Variants in FASTKD3 observed in about 807,000 individuals in gnomAD.
FASTKD3 encodes FAST kinase domains 3, also known as FAST kinase domain-containing protein 3, mitochondrial.
A neutral mutation model predicts 49.7 loss-of-function variants in FASTKD3; 47 were observed. The observed-to-expected ratio is 0.95, with a 90% CI of 0.75 to 1.21. The LOEUF (loss-of-function observed/expected upper bound fraction) is 1.21. Ranked by LOEUF, FASTKD3 falls within the 50% of genes most tolerant of loss-of-function variation. The pLI is 0.00. For missense variants in FASTKD3, 748 were observed against 765.7 expected (o/e 0.98, Z 0.27); for synonymous variants, 284 against 288.6 (o/e 0.98, Z 0.16).
rs540017511 is a variant in FASTKD3 at position 7,867,275 on chromosome 5, A to T, written c.809T>A (p.Val270Glu). 9 of 1,613,792 alleles carry T rather than the reference A, an allele frequency of 5.6e-6. No homozygotes were observed. The Admixed American group carries it at 1.5e-4, about 27-fold the overall frequency. The change falls in exon 2 of 7, where the codon GTG (valine) becomes GAG (glutamate). Residue 270 changes from valine (V) to glutamate (E), a missense_variant. Around this residue, in one of 3 missense-constraint regions of FASTKD3, gnomAD observed 564 missense variants for 562.8 expected, o/e 1.00. Coordinates refer to ENST00000264669, the MANE Select transcript of FASTKD3 (RefSeq NM_024091.4). The stretch of plus-strand genomic sequence containing the variant: ...ATTTAAAAATGTTTGGTGTTCATCC[A>T]CTTTTTCAGTACATGCCTGCAAGAT... ...YRILQACTEK[V>E]DEHQTFLNKI...
intron 5 of FASTKD3, 150 bp from the exon 6 acceptor site, chr5:7,861,413 TATTA>T (rs1361456929): frequency 1.7e-6 from 1 of 599,442 alleles, no homozygotes; most frequent in Non-Finnish European, 2.7e-6. Flanking sequence ...ATCTTATTAA[TATTA>T]ATGTTTATAA....
chr5:7,865,812 G>C, intron 3 of FASTKD3, 86 bp downstream of exon 3: 1 of 985,748 alleles, frequency 1.0e-6, no homozygotes, highest in South Asian at 1.7e-5. Flanking sequence ...GCTTTTTCAG[G>C]TTATTGAGAC....
In FASTKD3 at chr5:7,866,722, T is replaced by A; in HGVS notation, c.1362A>T (p.Ser454=). ...CTGGATGGCATTCATTAAGTGAACA[T>A]GAATGAAGAAGTTTCAATAATGATT... ...PPKSLLKLLH[S]CSLNECHPVN... The change falls in exon 2 of 7, where the codon TCA becomes TCT. Residue 454 remains serine (S), a synonymous_variant. Transcript: ENST00000264669. 6.2e-7 allele frequency: 1 copy of A among 1,613,576 alleles called. No individual in the cohort carries two copies. Among genetic ancestry groups the A allele is most frequent in the Non-Finnish European group, 8.5e-7 (1 of 1,179,874 alleles).
At chr5:7,860,790 C>T (rs1341807164) in intron 6 of FASTKD3, among the ~76,000 whole-genome samples, 1 of 152,180 alleles carries the variant, frequency 6.6e-6, no homozygotes, top group Non-Finnish European at 1.5e-5. Context: ...TGGGCTATTT[C>T]TTGTAGAAGC....
Position 7,868,115 on chromosome 5 carries a change from A to T in FASTKD3, c.-32T>A, listed in dbSNP as rs1747170364. 2.1e-6 allele frequency: 3 copies of T among 1,448,460 alleles called. No individual in the cohort carries two copies. Among genetic ancestry groups the T allele is most frequent in the African/African-American group, 1.4e-5 (1 of 70,354 alleles). The allele number at this position is 1,448,460 out of a possible 1,614,324, so 89.7% of individuals were successfully genotyped here. A position where few individuals can be genotyped will look rare whatever the true frequency, so the allele number is the denominator to read the frequency against. On this transcript the variant is annotated 5_prime_UTR_variant, in exon 2 of 7. Transcript: ENST00000264669. ...AGATTCTCAATTTGATAACTAAATT[A>T]AAAAATTTAAAAACACATGGTTAAA...
In FASTKD3 at chr5:7,867,570, G is replaced by C; in HGVS notation, c.514C>G (p.Gln172Glu). 1 of 1,614,248 alleles carries C rather than the reference G, an allele frequency of 6.2e-7. No homozygotes were observed. The highest frequency in any genetic ancestry group is 8.5e-7 in the Non-Finnish European group (1 of 1,180,044). ...LCFQFEKEPS[Q>E]LSNTSLVTAL... ...GTCACTAAACTAGTGTTTGACAGCT[G>C]TGAGGGCTCCTTTTCAAACTGAAAG... The change falls in exon 2 of 7, where the codon CAG becomes GAG. Residue 172 changes from glutamine to glutamate, a missense_variant. By Grantham distance (29) the Gln-to-Glu change is conservative. Around this residue, in one of 3 missense-constraint regions of FASTKD3, gnomAD observed 564 missense variants for 562.8 expected, o/e 1.00. Coordinates refer to ENST00000264669, the MANE Select transcript of FASTKD3 (RefSeq NM_024091.4).
At position 7,860,724 on chromosome 5, in the gene FASTKD3, GC is replaced by G. The variant is rs537005213; in HGVS notation, c.1884+424del. Among the ~76,000 whole-genome samples the G allele has an allele frequency of 5.9e-5, 9 of 152,320 alleles. No homozygotes were observed. In the East Asian group the frequency reaches 1.7e-3, roughly 29 times the overall value. On this transcript the variant is annotated intron_variant, in intron 6 of 6. Transcript: ENST00000264669. The stretch of plus-strand genomic sequence containing the variant: ...TCCCTGAGCAGACCAAGCCAGTTGG[GC>G]CTTGAAAATAACCTTAACTTTGCTT...
chr5:7,865,781 A>C, intron 3 of FASTKD3, 117 bp downstream of exon 3: 1 of 733,492 alleles, frequency 1.4e-6, no homozygotes, highest in Non-Finnish European at 2.3e-6. Flanking sequence ...GTGGCAACTG[A>C]CTCCAAGTAA....
chr5:7,861,314 T>C (rs751499927), intron 5 of FASTKD3, 51 bp from the exon 6 acceptor site: 3 of 1,046,246 alleles, frequency 2.9e-6, no homozygotes, highest in South Asian at 4.1e-5. Context: ...TAATCCAAAA[T>C]ATTTATTATA....
chr5:7,864,840 A>T (rs1384247924), intron 3 of FASTKD3, among the ~76,000 whole-genome samples: 1 of 146,340 alleles, frequency 6.8e-6, no homozygotes, highest in African/African-American at 2.8e-5. Context: ...ATCCATCAAA[A>T]ATTAATCCAC....
In FASTKD3 at chr5:7,867,721, C is replaced by T. The variant is rs762452287; in HGVS notation, c.363G>A (p.Thr121=). 5 of 1,614,082 alleles carry T rather than the reference C, an allele frequency of 3.1e-6. No homozygotes were observed. The highest frequency in any genetic ancestry group is 1.3e-5 in the African/African-American group (1 of 74,922). The stretch of plus-strand genomic sequence containing the variant: ...CCATAGTGTCAGGCAGGGTTTCCAT[C>T]GTGCTTATAAAACTTAGCACTTCTT... ...SSEEVLSFIS[T]METLPDTMAA... Residue 121 remains threonine (T), a synonymous_variant, in exon 2 of 7, where the codon ACG becomes ACA. Coordinates refer to ENST00000264669, the MANE Select transcript of FASTKD3 (RefSeq NM_024091.4).
In FASTKD3 at chr5:7,862,925, C is replaced by T. The variant is rs778897941; in HGVS notation, c.1597G>A (p.Asp533Asn). The change falls in exon 4 of 7, where the codon GAT (aspartate) becomes AAT (asparagine). Residue 533 changes from aspartate to asparagine, a missense_variant. Coordinates refer to ENST00000264669, the MANE Select transcript of FASTKD3 (RefSeq NM_024091.4). ...TPCCSLETPVDSQLYRYVKIG... is the reference protein window; with the variant it reads ...TPCCSLETPVNSQLYRYVKIG... ...TTCACATATCTATAAAGCTGAGAAT[C>T]CACAGGGGTCTCCAGGGAACAGCAT... The T allele has an allele frequency of 2.5e-6, 4 of 1,613,918 alleles. No individual in the cohort carries two copies. The Admixed American group carries it at 6.7e-5, about 27-fold the overall frequency.
chr5:7,859,411 T>G lies in FASTKD3; in HGVS notation c.*24A>C. 1.4e-6 allele frequency: 2 copies of G among 1,445,992 alleles called. No homozygotes were observed. The highest frequency in any genetic ancestry group is 9.5e-7 in the Non-Finnish European group (1 of 1,047,982). The allele number at this position is 1,445,992 out of a possible 1,614,324, so 89.6% of individuals were successfully genotyped here. On this transcript the variant is annotated 3_prime_UTR_variant, in exon 7 of 7. Coordinates refer to ENST00000264669, the MANE Select transcript of FASTKD3 (RefSeq NM_024091.4). ...TTCCATAAAAATGCAAGTTCTTCCA[T>G]TGTTTGAGTTCTGAAGTCAGTATTC...
chr5:7,861,065 G>C, intron 6 of FASTKD3, 84 bp downstream of exon 6: 2 of 809,370 alleles, frequency 2.5e-6, no homozygotes, highest in Non-Finnish European at 4.1e-6. Flanking sequence ...CTGTGCCTCA[G>C]ATTACTTTTT....
chr5:7,862,530 C>T (rs188319692), intron 4 of FASTKD3, among the ~76,000 whole-genome samples: 1 of 152,002 alleles, frequency 6.6e-6, no homozygotes, highest in Non-Finnish European at 1.5e-5. Flanking sequence ...TTTATTTAGA[C>T]CTTAAGTAAG....
rs1342423687 is a variant in FASTKD3 at position 7,866,776 on chromosome 5, T to C, written c.1308A>G (p.Leu436=). 7 of 1,614,172 alleles carry C rather than the reference T, an allele frequency of 4.3e-6. No homozygotes were observed. Among genetic ancestry groups the C allele is most frequent in the South Asian group, 3.3e-5 (3 of 91,082 alleles). ...SALFRKLENV[L]FTHFNYFPPK... ...GTGGAAAATAATTGAAATGAGTGAA[T>C]AGCACGTTTTCCAGCTTTCTAAATA... The change falls in exon 2 of 7, where the codon CTA becomes CTG. Residue 436 remains leucine, a synonymous_variant. Coordinates refer to ENST00000264669, the MANE Select transcript of FASTKD3 (RefSeq NM_024091.4).
At position 7,866,782 on chromosome 5, in the gene FASTKD3, G is replaced by A. The variant is rs1227122866; in HGVS notation, c.1302C>T (p.Asn434=). ...AATAATTGAAATGAGTGAATAGCAC[G>A]TTTTCCAGCTTTCTAAATAAAGCAG... ...NASALFRKLE[N]VLFTHFNYFP... The change falls in exon 2 of 7, where the codon AAC becomes AAT. Residue 434 remains asparagine, a synonymous_variant. Transcript: ENST00000264669. 1.4e-5 allele frequency: 22 copies of A among 1,613,992 alleles called. No homozygotes were observed. Among genetic ancestry groups the A allele is most frequent in the South Asian group, 9.9e-5 (9 of 91,082 alleles).
intron 3 of FASTKD3, among the ~76,000 whole-genome samples, chr5:7,865,093 G>A (rs1202860798): frequency 6.6e-6 from 1 of 151,972 alleles, no homozygotes; most frequent in Non-Finnish European, 1.5e-5. Flanking sequence ...AAAGCAAATT[G>A]TACTTTGATT....
Position 7,867,373 on chromosome 5 carries a change from T to A in FASTKD3, c.711A>T (p.Glu237Asp). Residue 237 changes from glutamate to aspartate, a missense_variant, in exon 2 of 7, where the codon GAA (glutamate) becomes GAT (aspartate). Glu to Asp is a conservative substitution (Grantham distance 45). Transcript: ENST00000264669. ...CACCTTGAAGTTGATTTATAATGAG[T>A]TCTAGTGTCACACAACCTGAACTGT... is the stretch of plus-strand genomic sequence containing the variant. ...TLHSSGCVTL[E>D]LIINQLQGEK... 6.2e-7 allele frequency: 1 copy of A among 1,614,192 alleles called. No individual in the cohort carries two copies. Among genetic ancestry groups the A allele is most frequent in the Non-Finnish European group, 8.5e-7 (1 of 1,180,028 alleles).
Sources: gnomAD v4.1 joint callset for allele counts (sites outside exome capture counted in the v4.1 genomes callset) on GRCh38, gnomAD v4.1.1 for gene constraint, gnomAD v4.1.1 regional missense constraint, MANE v1.5 for transcripts, NCBI Gene and HGNC (gene_info 2026-07-23, HGNC 2026-07-21) for gene names.